SLC30A10: variants seen among roughly 807,000 people sequenced by gnomAD.
SLC30A10 encodes the protein calcium/manganese antiporter SLC30A10.
In SLC30A10, 8 loss-of-function variants were observed where a neutral mutation model predicts 21.7. The ratio of observed to expected loss-of-function variants is 0.37; its 90% CI spans 0.22 to 0.67. The LOEUF (loss-of-function observed/expected upper bound fraction) is 0.67, where lower values mean the gene tolerates loss of function less well. SLC30A10 is among the 30% of genes least tolerant of loss of function. The pLI, the probability that SLC30A10 is intolerant of heterozygous loss-of-function variation, is 0.58. For missense variants in SLC30A10, 521 were observed against 642.5 expected (o/e 0.81, Z 2.04); for synonymous variants, 272 against 279.4 (o/e 0.97, Z 0.26).
chr1:219,918,057 C>T lies in SLC30A10; in HGVS notation c.958+198G>A, dbSNP rs557982261. ...AATTTGCAGTTGAGTCAGAGAATCA[C>T]GGATTGCAAAGGACCTTTGGTACTT... On this transcript the variant is annotated intron_variant, in intron 3 of 3. Coordinates refer to ENST00000366926, the MANE Select transcript of SLC30A10 (RefSeq NM_018713.3). This position sits in a 1 kb window ranked among gnomAD's most constrained non-coding sequence, Gnocchi z 4.4. Among the ~76,000 whole-genome samples, 37 of 152,182 alleles carry T rather than the reference C, an allele frequency of 2.4e-4. 2 individuals carry two copies. Among genetic ancestry groups the T allele is most frequent in the Admixed American group, 1.6e-3 (25 of 15,278 alleles).
intron 1 of SLC30A10, among the ~76,000 whole-genome samples, chr1:219,948,495 AAAAC>A (rs1440096544): frequency 6.6e-6 from 1 of 152,168 alleles, no homozygotes; most frequent in African/African-American, 2.4e-5. Flanking sequence ...AAACCTGAGA[AAAAC>A]AAGCAATGGG....
intron 2 of SLC30A10, among the ~76,000 whole-genome samples, chr1:219,922,176 GTTTTTTTTT>G (rs869249213): frequency 0.012 from 424 of 36,454 alleles, 34 homozygotes; most frequent in Middle Eastern, 0.058. Flanking sequence ...GTGTGTGTGT[GTTTTTTTTT>G]TTTTTTTTTT....
chr1:219,923,946 C>A (rs1659757094), intron 2 of SLC30A10, among the ~76,000 whole-genome samples: 1 of 152,120 alleles, frequency 6.6e-6, no homozygotes, highest in Non-Finnish European at 1.5e-5. Context: ...GCCTGTAATC[C>A]CAGCTACTCT....
upstream of SLC30A10, among the ~76,000 whole-genome samples, chr1:219,930,221 C>G (rs186434443): frequency 8.0e-5 from 12 of 150,422 alleles, no homozygotes; most frequent in Non-Finnish European, 1.6e-4. Context: ...CCTGTAATTT[C>G]AACATTTTGG....
chr1:219,928,283 A>T lies in SLC30A10; in HGVS notation c.158T>A (p.Val53Glu). The change falls in exon 1 of 4, where the codon GTG becomes GAG. Residue 53 changes from valine (V) to glutamate (E), a missense_variant. Coordinates refer to ENST00000366926, the MANE Select transcript of SLC30A10 (RefSeq NM_018713.3). The surrounding 1 kb of genome is among the most constrained non-coding windows in gnomAD (Gnocchi z 6.3). ...GGCGATGTAGCCGGCGCTCAGGCCCACGCACAGCGAGATCAGGTCGGAGAG... is the reference window on the plus strand; with the variant it reads ...GGCGATGTAGCCGGCGCTCAGGCCCTCGCACAGCGAGATCAGGTCGGAGAG... ...NMLSDLISLC[V>E]GLSAGYIARR... 2 of 1,603,378 alleles carry T rather than the reference A, an allele frequency of 1.2e-6. No individual in the cohort carries two copies. The highest frequency in any genetic ancestry group is 2.2e-5 in the South Asian group (2 of 89,612).
At chr1:219,951,578 G>A (rs946723190) in intron 1 of SLC30A10, among the ~76,000 whole-genome samples, 8 of 149,340 alleles carry the variant, frequency 5.4e-5, no homozygotes, top group South Asian at 4.2e-4. Flanking sequence ...AAAATTAGCC[G>A]GGTGTGGTGG....
rs1163959415 is a variant in SLC30A10, at chr1:219,910,740, G to A, written c.*4709C>T. On this transcript the variant is annotated 3_prime_UTR_variant, in exon 4 of 4. Coordinates refer to ENST00000366926, the MANE Select transcript of SLC30A10 (RefSeq NM_018713.3). Reference sequence around the variant, plus strand: ...TCCTTTCCGGATTGTTCTCATTAGAGTGCAGAGTAGGTGCAGTGTCTGGCA... The same window carrying A: ...TCCTTTCCGGATTGTTCTCATTAGAATGCAGAGTAGGTGCAGTGTCTGGCA... Among the ~76,000 whole-genome samples the A allele has an allele frequency of 6.6e-6, 1 of 152,200 alleles. No individual in the cohort carries two copies. The highest frequency in any genetic ancestry group is 1.5e-5 in the Non-Finnish European group (1 of 68,040).
intron 2 of SLC30A10, among the ~76,000 whole-genome samples, chr1:219,921,303 C>T (rs1324243943): frequency 1.3e-5 from 2 of 152,140 alleles, no homozygotes; most frequent in Non-Finnish European, 2.9e-5. Context: ...ATGGCTGGTA[C>T]TCTCTTCATT....
rs1553313719 is a variant in SLC30A10 at position 219,927,666 on chromosome 1, A to AAC, written c.640+134_640+135insGT. On this transcript the variant is annotated intron_variant, in intron 1 of 3. Coordinates refer to ENST00000366926, the MANE Select transcript of SLC30A10 (RefSeq NM_018713.3). ...AAAAAAAAAAAAAAAAAAAAAAAAA[A>AAC]AACAACAACAACAAAAAAAAAAAAA... 1.5e-4 allele frequency: 38 copies of AAC among 251,702 alleles called. 1 individual carries two copies. Among genetic ancestry groups the AAC allele is most frequent in the East Asian group, 5.1e-4 (8 of 15,752 alleles). 15.6% of individuals were successfully genotyped at this position (251,702 alleles called of 1,614,324 possible).
chr1:219,951,778 G>C (rs1226045699), intron 1 of SLC30A10, among the ~76,000 whole-genome samples: 2 of 151,906 alleles, frequency 1.3e-5, no homozygotes, highest in Admixed American at 6.6e-5. Flanking sequence ...CTGTCACCCA[G>C]GTTGGAGTGT....
At chr1:219,947,954 T>C (rs1357641585) in intron 1 of SLC30A10, among the ~76,000 whole-genome samples, 1 of 151,704 alleles carries the variant, frequency 6.6e-6, no homozygotes, top group Non-Finnish European at 1.5e-5. Flanking sequence ...ACAAGCATTC[T>C]TATACACCAA....
intron 1 of SLC30A10, among the ~76,000 whole-genome samples, chr1:219,947,806 G>A (rs1310007871): frequency 2.0e-5 from 3 of 151,856 alleles, no homozygotes; most frequent in African/African-American, 7.3e-5. Flanking sequence ...CTCCAGCCTG[G>A]GCAACCAATA....
At position 219,928,253 on chromosome 1, in the gene SLC30A10, C is replaced by G. The variant is rs751932963; in HGVS notation, c.188G>C (p.Arg63Pro). 1 of 1,581,958 alleles carries G rather than the reference C, an allele frequency of 6.3e-7. No homozygotes were observed. ...GGTGGCGCTGAAGCCCCGGGTGGGGCGCCGGGCGATGTAGCCGGCGCTCAG... is the reference window on the plus strand; with the variant it reads ...GGTGGCGCTGAAGCCCCGGGTGGGGGGCCGGGCGATGTAGCCGGCGCTCAG... ...VGLSAGYIAR[R>P]PTRGFSATYG... Residue 63 changes from arginine to proline, a missense_variant, in exon 1 of 4, where the codon CGC becomes CCC. Physicochemically the swap from Arg to Pro is moderately radical, Grantham distance 103. Transcript: ENST00000366926. This position sits in a 1 kb window ranked among gnomAD's most constrained non-coding sequence, Gnocchi z 6.3.
intron 2 of SLC30A10, among the ~76,000 whole-genome samples, chr1:219,920,857 C>T (rs1486675016): frequency 6.6e-6 from 1 of 152,176 alleles, no homozygotes; most frequent in Non-Finnish European, 1.5e-5. Flanking sequence ...CAGTCTTTTT[C>T]CTTACCTGCA....
chr1:219,917,708 C>CTTTTTTTTTTT (rs35106027), intron 3 of SLC30A10, among the ~76,000 whole-genome samples: 32 of 104,072 alleles, frequency 3.1e-4, no homozygotes, highest in African/African-American at 6.9e-4. Context: ...TTTTTCTTTC[C>CTTTTTTTTTTT]TTTTTTTTTT....
intron 1 of SLC30A10, among the ~76,000 whole-genome samples, chr1:219,948,790 CA>C (rs1309295129): frequency 2.0e-5 from 3 of 152,084 alleles, no homozygotes; most frequent in African/African-American, 7.2e-5. Context: ...AGAGCTTCTG[CA>C]CCGCAAAAGA....
intron 1 of SLC30A10, among the ~76,000 whole-genome samples, chr1:219,957,174 C>T (rs1396460180): frequency 2.0e-5 from 3 of 152,042 alleles, no homozygotes; most frequent in African/African-American, 7.2e-5. Flanking sequence ...AGATGAGGCC[C>T]AAATTCAGTG....
chr1:219,932,540 C>T (rs1370963529), upstream of SLC30A10, among the ~76,000 whole-genome samples: 1 of 151,936 alleles, frequency 6.6e-6, no homozygotes, highest in African/African-American at 2.4e-5. Context: ...GCACCAAATT[C>T]TTATTGTGGA....
upstream of SLC30A10, among the ~76,000 whole-genome samples, chr1:219,932,581 T>C (rs1306388872): frequency 6.6e-6 from 1 of 152,158 alleles, no homozygotes; most frequent in Non-Finnish European, 1.5e-5. Flanking sequence ...TGAATTTATA[T>C]AATGTGTACG....
Sources: allele counts gnomAD v4.1 joint callset (sites outside exome capture counted in the v4.1 genomes callset), GRCh38; gene constraint gnomAD v4.1.1; non-coding constraint Gnocchi (gnomAD v3.1); transcripts MANE v1.5; gene names NCBI Gene and HGNC (gene_info 2026-07-23, HGNC 2026-07-21).